Variants in DEK observed in about 807,000 individuals in gnomAD.
The protein encoded by DEK is DEK proto-oncogene, also known as protein DEK.
Under a neutral mutation model 46.8 loss-of-function variants are expected in DEK, and 28 were observed. The observed-to-expected ratio is 0.60, with a 90% CI of 0.44 to 0.82. The LOEUF is 0.82. DEK is among the 40% of genes least tolerant of loss of function. The pLI is 0.00. For missense variants in DEK, 416 were observed against 430.6 expected, an observed-to-expected ratio of 0.97 and a Z score of 0.30; for synonymous variants, 160 against 144.5, an observed-to-expected ratio of 1.11 and a Z score of -0.77.
chr6:18,262,529 AT>A (rs1174158327), intron 2 of DEK, among the ~76,000 whole-genome samples: 1 of 152,196 alleles, frequency 6.6e-6, no homozygotes, highest in East Asian at 1.9e-4. Context: ...AGAACAAAAC[AT>A]GGGATTCTTT....
intron 1 of DEK, 189 bp from the exon 2 acceptor site, chr6:18,264,185 G>A (rs951776188): frequency 6.7e-6 from 3 of 449,134 alleles, no homozygotes; most frequent in African/African-American, 4.1e-5. Context: ...GCCGTCCAGG[G>A]ATTCCCGAGG....
intron 6 of DEK, among the ~76,000 whole-genome samples, chr6:18,251,585 T>C (rs960345261): frequency 2.6e-5 from 4 of 152,342 alleles, no homozygotes; most frequent in Non-Finnish European, 4.4e-5. Flanking sequence ...AGATTCTCTA[T>C]AAGAAATCGT....
At chr6:18,225,886 CAGGAACTTCCTCA>C (rs1387185230) in intron 10 of DEK, 156 bp from the exon 11 acceptor site, 18 of 879,430 alleles carry the variant, frequency 2.0e-5, no homozygotes, top group African/African-American at 1.0e-4. Context: ...GCCTCGTAGA[CAGGAACTTCCTCA>C]AGTATTTGTG....
At chr6:18,256,547 T>C (rs1791605520) in intron 4 of DEK, 92 bp from the exon 5 acceptor site, 1 of 1,017,948 alleles carries the variant, frequency 9.8e-7, no homozygotes, top group Non-Finnish European at 1.5e-6. Context: ...CATCTTTATT[T>C]TCATACCTGT....
intron 7 of DEK, among the ~76,000 whole-genome samples, chr6:18,240,434 G>A (rs1464262820): frequency 6.6e-6 from 1 of 152,176 alleles, no homozygotes; most frequent in Non-Finnish European, 1.5e-5. Flanking sequence ...TCAAATTCCA[G>A]CCCCAGTACA....
Position 18,263,862 on chromosome 6 carries a change from C to CTCCTCGTCG in DEK, c.117_125dup (p.Asp39_Glu41dup), listed in dbSNP as rs1157779384. ...CCCCACCTTTTTCCTCCTCCTCCTC[C>CTCCTCGTCG]TCCTCGTCGTCCTCGTCCTCTTCCT... On this transcript the variant is annotated inframe_insertion, in exon 2 of 11. Transcript: ENST00000652689. 4.3e-6 allele frequency: 7 copies of CTCCTCGTCG among 1,612,594 alleles called. No homozygotes were observed. Among genetic ancestry groups the CTCCTCGTCG allele is most frequent in the Non-Finnish European group, 5.9e-6 (7 of 1,179,350 alleles).
chr6:18,227,023 A>G (rs1178847653), intron 9 of DEK, among the ~76,000 whole-genome samples: 1 of 152,196 alleles, frequency 6.6e-6, no homozygotes, highest in Non-Finnish European at 1.5e-5. Context: ...ACCCAGGGAC[A>G]CAAACACCGC....
intron 9 of DEK, among the ~76,000 whole-genome samples, chr6:18,235,771 G>T (rs992888300): frequency 6.6e-6 from 1 of 152,198 alleles, no homozygotes; most frequent in African/African-American, 2.4e-5. Flanking sequence ...TTACAGGCGT[G>T]AGCCACCACA....
intron 7 of DEK, among the ~76,000 whole-genome samples, chr6:18,248,941 GA>G (rs1791241234): frequency 6.6e-6 from 1 of 152,128 alleles, no homozygotes; most frequent in South Asian, 2.1e-4. Flanking sequence ...ACCTTTGAAC[GA>G]AAACATCAAA....
chr6:18,254,217 G>C (rs1791508292), intron 6 of DEK, among the ~76,000 whole-genome samples: 1 of 152,078 alleles, frequency 6.6e-6, no homozygotes, highest in Non-Finnish European at 1.5e-5. Context: ...TATAATCCCA[G>C]CTACTGTAGA....
At chr6:18,247,798 G>T (rs555946447) in intron 7 of DEK, among the ~76,000 whole-genome samples, 1 of 151,734 alleles carries the variant, frequency 6.6e-6, no homozygotes, top group East Asian at 1.9e-4. Flanking sequence ...CAGCCTTCCC[G>T]AGTAGCTGGG....
chr6:18,245,785 C>T (rs1791088369), intron 7 of DEK, among the ~76,000 whole-genome samples: 1 of 152,246 alleles, frequency 6.6e-6, no homozygotes. Context: ...TACGGTTTGG[C>T]TCTGTGTCCC....
chr6:18,243,232 C>CA (rs1213357187), intron 7 of DEK, among the ~76,000 whole-genome samples: 1 of 152,180 alleles, frequency 6.6e-6, no homozygotes, highest in African/African-American at 2.4e-5. Flanking sequence ...TGTGAAAGCA[C>CA]ATGGTATATA....
intron 6 of DEK, among the ~76,000 whole-genome samples, chr6:18,252,965 T>C (rs912990189): frequency 2.0e-5 from 3 of 152,202 alleles, no homozygotes; most frequent in African/African-American, 7.2e-5. Flanking sequence ...TACATGTCTT[T>C]CTAATATCTG....
intron 7 of DEK, 138 bp from the exon 8 acceptor site, chr6:18,237,654 TGAGA>T: frequency 1.7e-6 from 2 of 1,174,356 alleles, no homozygotes; most frequent in South Asian, 3.4e-5. Context: ...AAATTCTTTT[TGAGA>T]GATGACTAAT....
intron 2 of DEK, among the ~76,000 whole-genome samples, chr6:18,263,445 A>T (rs1791963509): frequency 6.6e-6 from 1 of 152,204 alleles, no homozygotes; most frequent in Non-Finnish European, 1.5e-5. Flanking sequence ...TAACTTCAAA[A>T]GGCAAAAGAT....
intron 7 of DEK, among the ~76,000 whole-genome samples, chr6:18,247,281 G>C (rs759654901): frequency 1.3e-5 from 2 of 152,018 alleles, no homozygotes; most frequent in Non-Finnish European, 2.9e-5. Flanking sequence ...GGAAAAAAAA[G>C]GGGGGGAAAC....
intron 9 of DEK, 95 bp downstream of exon 9, chr6:18,236,357 A>T: frequency 7.5e-7 from 1 of 1,333,436 alleles, no homozygotes; most frequent in Non-Finnish European, 1.0e-6. Context: ...TTTCTTCAAT[A>T]AGTGAATGCA....
Position 18,224,634 on chromosome 6 carries a change from GAC to G in DEK, c.*1083_*1084del, listed in dbSNP as rs1176139927. 1 of 206,968 alleles carries G rather than the reference GAC, an allele frequency of 4.8e-6. No homozygotes were observed. The highest frequency in any genetic ancestry group is 2.3e-5 in the African/African-American group (1 of 43,794). The allele number at this position is 206,968 out of a possible 1,614,324, so 12.8% of individuals were successfully genotyped here. A position where few individuals can be genotyped will look rare whatever the true frequency, so the allele number is the denominator to read the frequency against. The stretch of plus-strand genomic sequence containing the variant: ...TAATGTAAAAGTATATTATTTTTGA[GAC>G]ACACTTTGTCAGAGACATCCACGAT... On this transcript the variant is annotated 3_prime_UTR_variant, in exon 11 of 11. Coordinates refer to ENST00000652689, the MANE Select transcript of DEK (RefSeq NM_003472.4).
Sources: gnomAD v4.1 joint callset for allele counts (sites outside exome capture counted in the v4.1 genomes callset) on GRCh38, gnomAD v4.1.1 for gene constraint, MANE v1.5 for transcripts, NCBI Gene and HGNC (gene_info 2026-07-23, HGNC 2026-07-21) for gene names.